SUCO: variants seen among roughly 807,000 people sequenced by gnomAD.
SUCO encodes SUN domain containing ossification factor, also known as SUN domain-containing ossification factor.
In SUCO, 57 loss-of-function variants were observed where a neutral mutation model predicts 148.1. The observed-to-expected ratio is 0.38, with a 90% CI of 0.31 to 0.48. The LOEUF is 0.48. Among genes scored for constraint, SUCO ranks in the 20% least tolerant of loss-of-function variants. The pLI, the probability that SUCO is intolerant of heterozygous loss-of-function variation, is 0.96. For synonymous variants in SUCO, 470 were observed against 502.7 expected, an observed-to-expected ratio of 0.93 and a Z score of 0.87; for missense variants, 1,331 against 1,468.2, an observed-to-expected ratio of 0.91 and a Z score of 1.53.
At position 172,595,855 on chromosome 1, in the gene SUCO, A is replaced by G. The variant is rs182653285; in HGVS notation, c.2914-4209A>G. Among the ~76,000 whole-genome samples the G allele has an allele frequency of 3.3e-3, 501 of 152,282 alleles. 2 individuals are homozygous for G. The highest frequency in any genetic ancestry group is 0.01 in the Middle Eastern group (3 of 294). On this transcript the variant is annotated intron_variant, in intron 19 of 23. Transcript: ENST00000263688. ...CTAGGTTGGGGAAGTTCTCGTGGATAATACCCTGCAGCATGTTTTCCAACT... is the reference window on the plus strand; with the variant it reads ...CTAGGTTGGGGAAGTTCTCGTGGATGATACCCTGCAGCATGTTTTCCAACT...
chr1:172,594,534 T>G (rs552453718), intron 19 of SUCO, among the ~76,000 whole-genome samples: 1 of 152,236 alleles, frequency 6.6e-6, no homozygotes, highest in African/African-American at 2.4e-5. Flanking sequence ...CATTTCGTTA[T>G]GTACCCAGTA....
chr1:172,571,388 T>C (rs1654967932), intron 9 of SUCO, among the ~76,000 whole-genome samples: 1 of 152,136 alleles, frequency 6.6e-6, no homozygotes, highest in African/African-American at 2.4e-5. Flanking sequence ...TGGAGTGCAG[T>C]GGCCTGATCT....
At chr1:172,584,050 C>A (rs545591656) in intron 15 of SUCO, among the ~76,000 whole-genome samples, 2 of 152,204 alleles carry the variant, frequency 1.3e-5, no homozygotes, top group East Asian at 3.9e-4. Flanking sequence ...ATACCTGTCC[C>A]CAGCCAATTA....
chr1:172,577,842 T>C (rs1655564578), intron 13 of SUCO, 23 bp downstream of exon 13: 2 of 1,566,558 alleles, frequency 1.3e-6, no homozygotes, highest in Admixed American at 3.8e-5. Flanking sequence ...AAAATACATT[T>C]ATTGAGTTTT....
intron 15 of SUCO, among the ~76,000 whole-genome samples, chr1:172,582,039 T>G (rs567627837): frequency 6.6e-6 from 1 of 152,328 alleles, no homozygotes; most frequent in South Asian, 2.1e-4. Context: ...GCAAGATTTC[T>G]CCATATCACT....
chr1:172,591,558 C>T (rs578120562), intron 19 of SUCO, among the ~76,000 whole-genome samples: 112 of 151,876 alleles, frequency 7.4e-4, no homozygotes, highest in African/African-American at 2.6e-3. Flanking sequence ...TGATAGTTTG[C>T]TCAGAATGAT....
At chr1:172,597,024 G>T (rs1385966168) in intron 19 of SUCO, among the ~76,000 whole-genome samples, 3 of 152,226 alleles carry the variant, frequency 2.0e-5, no homozygotes, top group Admixed American at 2.0e-4. Flanking sequence ...CTGCCTTGCA[G>T]TTCAATCTCA....
chr1:172,546,882 C>G (rs1040412580), intron 1 of SUCO, among the ~76,000 whole-genome samples: 1 of 152,184 alleles, frequency 6.6e-6, no homozygotes, highest in African/African-American at 2.4e-5. Context: ...TGCACCCCAG[C>G]CTGGGTGATA....
intron 19 of SUCO, chr1:172,599,418 C>G (rs1267602805): frequency 4.9e-6 from 4 of 821,442 alleles, no homozygotes; most frequent in Middle Eastern, 6.1e-4. Context: ...CTAAAGTATG[C>G]ATACAAACTA....
upstream of SUCO, chr1:172,532,611 T>G (rs1651668399): frequency 3.7e-6 from 6 of 1,613,922 alleles, no homozygotes; most frequent in Non-Finnish European, 3.4e-6. Context: ...CCACGAACTG[T>G]GCTCAAAAGA....
intron 23 of SUCO, chr1:172,609,287 T>G (rs971133865): frequency 2.0e-5 from 20 of 985,212 alleles, no homozygotes; most frequent in Non-Finnish European, 2.3e-5. Flanking sequence ...AGTCTTTGCT[T>G]TTTCATTTTG....
chr1:172,602,034 G>T (rs763961904), intron 20 of SUCO, 30 bp from the exon 21 acceptor site: 9 of 1,559,318 alleles, frequency 5.8e-6, no homozygotes, highest in South Asian at 1.2e-5. Context: ...GATTTCCTAT[G>T]ATTATTATTT....
At chr1:172,576,977 C>T (rs1655491650) in intron 11 of SUCO, 1 of 675,262 alleles carries the variant, frequency 1.5e-6, no homozygotes, top group African/African-American at 2.0e-5. Flanking sequence ...TGGTATATAT[C>T]TTCCACTTCT....
At chr1:172,608,412 T>A in intron 22 of SUCO, 1 of 291,324 alleles carries the variant, frequency 3.4e-6, no homozygotes, top group Non-Finnish European at 6.4e-6. Context: ...CCCAGGAATG[T>A]TTCTTTTCTT....
intron 22 of SUCO, chr1:172,603,341 T>G (rs2149271500): frequency 6.6e-6 from 1 of 152,220 alleles, no homozygotes; most frequent in East Asian, 1.9e-4. Flanking sequence ...TTAATGCATA[T>G]TAATAGAATT....
chr1:172,571,617 C>A (rs1471303046), intron 9 of SUCO, among the ~76,000 whole-genome samples: 2 of 137,766 alleles, frequency 1.5e-5, no homozygotes, highest in African/African-American at 2.8e-5. Context: ...AAGTGAGGAG[C>A]GCCTCTTCCC....
intron 10 of SUCO, 74 bp from the exon 11 acceptor site, chr1:172,575,444 T>C: frequency 9.2e-7 from 1 of 1,086,658 alleles, no homozygotes; most frequent in Non-Finnish European, 1.3e-6. Context: ...AAATTATATT[T>C]TGAAAATATG....
upstream of SUCO, chr1:172,532,650 A>G (rs750200600): frequency 1.3e-5 from 21 of 1,613,922 alleles, no homozygotes; most frequent in Admixed American, 3.5e-4. Context: ...TCCAAAGCTG[A>G]TCAGTCTCGT....
At chr1:172,562,310 GA>G (rs557422272) in intron 6 of SUCO, among the ~76,000 whole-genome samples, 128 of 148,932 alleles carry the variant, frequency 8.6e-4, no homozygotes, top group African/African-American at 3.0e-3. Flanking sequence ...AACATTTTAA[GA>G]AAATTGGGTT....
Sources: gnomAD v4.1 joint callset for allele counts (sites outside exome capture counted in the v4.1 genomes callset) on GRCh38, gnomAD v4.1.1 for gene constraint, MANE v1.5 for transcripts, NCBI Gene and HGNC (gene_info 2026-07-23, HGNC 2026-07-21) for gene names.